SORCS3: variants seen among roughly 807,000 people sequenced by gnomAD.
The protein encoded by SORCS3 is VPS10 domain-containing receptor SorCS3.
SORCS3 carries 57 observed loss-of-function variants against 146.3 expected under a neutral mutation model. That is an observed-to-expected ratio of 0.39 (90% CI 0.31 to 0.49). The LOEUF (loss-of-function observed/expected upper bound fraction) is 0.49. Among genes scored for constraint, SORCS3 ranks in the 20% least tolerant of loss-of-function variants. The probability of loss-of-function intolerance (pLI) is 0.92; values close to 1 mark genes in which losing one functional copy is unlikely to be tolerated. For missense variants in SORCS3, 1,341 were observed against 1,575.5 expected (o/e 0.85, Z 2.52); for synonymous variants, 653 against 618.5 (o/e 1.06, Z -0.83).
At chr10:105,196,464 G>C (rs529500865) in intron 14 of SORCS3, among the ~76,000 whole-genome samples, 1 of 152,194 alleles carries the variant, frequency 6.6e-6, no homozygotes, top group African/African-American at 2.4e-5. Flanking sequence ...AATTAGCTGA[G>C]TGTGGTGATG....
intron 3 of SORCS3, among the ~76,000 whole-genome samples, chr10:104,969,522 G>A (rs1301804859): frequency 1.3e-5 from 2 of 152,050 alleles, no homozygotes; most frequent in Non-Finnish European, 2.9e-5. Context: ...GCATAGGTTA[G>A]AAATCCAGAA....
At chr10:105,091,543 T>G (rs1047036011) in intron 6 of SORCS3, among the ~76,000 whole-genome samples, 15 of 140,512 alleles carry the variant, frequency 1.1e-4, no homozygotes, top group Non-Finnish European at 1.5e-5. Context: ...CCTCCCTCCC[T>G]CCCTCCTTCC....
chr10:105,173,205 A>C (rs780571899), intron 13 of SORCS3, among the ~76,000 whole-genome samples: 6 of 152,034 alleles, frequency 3.9e-5, no homozygotes, highest in Middle Eastern at 3.2e-3. Context: ...CCAGCTTCTC[A>C]GGAGGCTGAG....
chr10:104,743,157 C>T (rs2016869916), intron 1 of SORCS3, among the ~76,000 whole-genome samples: 1 of 152,140 alleles, frequency 6.6e-6, no homozygotes, highest in Non-Finnish European at 1.5e-5. Flanking sequence ...CTTGGCTCTT[C>T]AGACTCTAAA....
chr10:105,094,201 T>A (rs915775223), intron 6 of SORCS3, among the ~76,000 whole-genome samples: 1 of 152,064 alleles, frequency 6.6e-6, no homozygotes, highest in Admixed American at 6.6e-5. Flanking sequence ...GTTTCCAGAG[T>A]GGGGAAAGTA....
chr10:105,150,837 T>C (rs2056163081), intron 9 of SORCS3, among the ~76,000 whole-genome samples: 2 of 152,168 alleles, frequency 1.3e-5, no homozygotes, highest in South Asian at 4.1e-4. Context: ...TAGGGGTCAT[T>C]AGAATTTAAC....
intron 1 of SORCS3, among the ~76,000 whole-genome samples, chr10:104,788,126 C>T (rs2017458698): frequency 6.6e-6 from 1 of 152,124 alleles, no homozygotes; most frequent in African/African-American, 2.4e-5. Flanking sequence ...TGCAGAGATG[C>T]ATGTTCTCTC....
intron 1 of SORCS3, among the ~76,000 whole-genome samples, chr10:104,660,995 T>A (rs929731256): frequency 7.2e-5 from 11 of 152,268 alleles, no homozygotes; most frequent in Admixed American, 2.0e-4. Context: ...TTTTCCTTTT[T>A]AAATTTTATT....
At chr10:104,975,213 C>G (rs1479442728) in intron 3 of SORCS3, among the ~76,000 whole-genome samples, 1 of 152,124 alleles carries the variant, frequency 6.6e-6, no homozygotes, top group Non-Finnish European at 1.5e-5. Context: ...TCAGCAAAGT[C>G]TCAGGATACA....
intron 3 of SORCS3, among the ~76,000 whole-genome samples, chr10:104,936,562 G>A (rs934781880): frequency 2.0e-5 from 3 of 152,196 alleles, no homozygotes; most frequent in Admixed American, 6.5e-5. Flanking sequence ...TTCGATTTGG[G>A]CATGCTGAGT....
intron 3 of SORCS3, among the ~76,000 whole-genome samples, chr10:104,931,770 G>T (rs2019210932): frequency 6.6e-6 from 1 of 152,204 alleles, no homozygotes. Flanking sequence ...TTTTGCTTAT[G>T]CAGGGACAGT....
At chr10:104,647,555 C>T (rs1411132178) in intron 1 of SORCS3, among the ~76,000 whole-genome samples, 4 of 152,162 alleles carry the variant, frequency 2.6e-5, no homozygotes, top group African/African-American at 9.7e-5. Flanking sequence ...CACCCCTTCC[C>T]TCCAATCACC....
At chr10:105,253,055 A>G in intron 23 of SORCS3, 149 bp downstream of exon 23, 3 of 832,320 alleles carry the variant, frequency 3.6e-6, no homozygotes, top group Non-Finnish European at 3.6e-6. Flanking sequence ...TACCCAGAGT[A>G]AATACAGGTG....
chr10:105,014,134 T>TAA (rs1294642779), intron 4 of SORCS3, among the ~76,000 whole-genome samples: 7 of 148,796 alleles, frequency 4.7e-5, no homozygotes, highest in African/African-American at 1.5e-4. Flanking sequence ...TATATATATA[T>TAA]AACAACGTAA....
chr10:105,047,664 C>T (rs1378329472), intron 5 of SORCS3, among the ~76,000 whole-genome samples: 1 of 152,062 alleles, frequency 6.6e-6, no homozygotes, highest in Non-Finnish European at 1.5e-5. Flanking sequence ...TTGAAGACTG[C>T]TGTATCTGCT....
chr10:105,004,825 G>T (rs140155136), intron 4 of SORCS3, among the ~76,000 whole-genome samples: 2 of 150,436 alleles, frequency 1.3e-5, no homozygotes, highest in African/African-American at 4.9e-5. Flanking sequence ...AGTGGGGGGC[G>T]GGGGGAGTGC....
intron 2 of SORCS3, 151 bp downstream of exon 2, chr10:104,843,010 C>T: frequency 1.5e-6 from 1 of 654,842 alleles, no homozygotes; most frequent in Non-Finnish European, 2.7e-6. Flanking sequence ...ACTGATGGCC[C>T]CCACCTGTGA....
chr10:105,203,013 C>T (rs988711970), intron 16 of SORCS3, among the ~76,000 whole-genome samples: 1 of 152,176 alleles, frequency 6.6e-6, no homozygotes, highest in African/African-American at 2.4e-5. Context: ...AGAGCAGCTG[C>T]CCCTGAATGG....
chr10:105,113,449 C>T (rs1258225931), intron 7 of SORCS3, among the ~76,000 whole-genome samples: 3 of 152,158 alleles, frequency 2.0e-5, no homozygotes, highest in African/African-American at 4.8e-5. Context: ...AACCTCTTCC[C>T]ATGACATTAA....
Sources: allele counts gnomAD v4.1 joint callset (sites outside exome capture counted in the v4.1 genomes callset), GRCh38; gene constraint gnomAD v4.1.1; transcripts MANE v1.5; gene names NCBI Gene and HGNC (gene_info 2026-07-23, HGNC 2026-07-21).